Variants in TMEM108 observed in about 807,000 individuals in gnomAD.
TMEM108 encodes transmembrane protein 108, also known as cancer/testis antigen 124.
TMEM108 carries 12 observed loss-of-function variants against 35.1 expected under a neutral mutation model. That is an observed-to-expected ratio of 0.34 (90% CI 0.22 to 0.55). The LOEUF is 0.55. Among genes scored for constraint, TMEM108 ranks in the 20% least tolerant of loss-of-function variants. TMEM108 has a pLI of 0.89. For synonymous variants in TMEM108, 287 were observed against 308.6 expected, an observed-to-expected ratio of 0.93 and a Z score of 0.73; for missense variants, 680 against 753.3, an observed-to-expected ratio of 0.90 and a Z score of 1.14.
At chr3:133,060,547 A>G (rs1264451815) in intron 2 of TMEM108, among the ~76,000 whole-genome samples, 1 of 152,190 alleles carries the variant, frequency 6.6e-6, no homozygotes, top group East Asian at 1.9e-4. Context: ...CCCCAAATTC[A>G]TGTTTTAATC....
rs912010616 is a variant in TMEM108, at chr3:133,346,593, G to A, written c.41-33159G>A. 1.3e-5 allele frequency among the ~76,000 whole-genome samples: 2 copies of A among 151,848 alleles called. No homozygotes were observed. Among genetic ancestry groups the A allele is most frequent in the Admixed American group, 6.6e-5 (1 of 15,224 alleles). On this transcript the variant is annotated intron_variant, in intron 3 of 5. Transcript: ENST00000321871. The surrounding 1 kb of genome is among the most constrained non-coding windows in gnomAD (Gnocchi z 4.0). ...GAATGTATGCAATTATTTTCTTCCAGTCGATGGCTTGTCTTTTATTCTTTG... is the reference window on the plus strand; with the variant it reads ...GAATGTATGCAATTATTTTCTTCCAATCGATGGCTTGTCTTTTATTCTTTG...
At chr3:133,179,472 A>G (rs967399246) in intron 2 of TMEM108, among the ~76,000 whole-genome samples, 5 of 152,054 alleles carry the variant, frequency 3.3e-5, no homozygotes, top group Admixed American at 6.6e-5. Flanking sequence ...AATACTATGC[A>G]GCCATAAAAA....
chr3:133,389,163 C>T (rs1364772168), intron 4 of TMEM108: 3 of 985,572 alleles, frequency 3.0e-6, no homozygotes, highest in Non-Finnish European at 3.6e-6. Flanking sequence ...GGCCACCCCA[C>T]CTCTCTGACC....
At chr3:133,195,054 A>C (rs1179344533) in intron 2 of TMEM108, among the ~76,000 whole-genome samples, 1 of 152,244 alleles carries the variant, frequency 6.6e-6, no homozygotes, top group African/African-American at 2.4e-5. Flanking sequence ...TCTTATAAAC[A>C]AAAAGTTCAC....
chr3:133,096,732 A>T (rs1054384285), intron 2 of TMEM108, among the ~76,000 whole-genome samples: 1 of 152,232 alleles, frequency 6.6e-6, no homozygotes, highest in African/African-American at 2.4e-5. Context: ...GTCACTGTGC[A>T]GTTTTCTGTG....
intron 2 of TMEM108, among the ~76,000 whole-genome samples, chr3:133,210,746 C>T (rs1377072376): frequency 2.0e-5 from 3 of 152,172 alleles, no homozygotes; most frequent in Non-Finnish European, 2.9e-5. Flanking sequence ...CTGCACAAGT[C>T]CAAACAGTGA....
At chr3:133,166,773 A>G (rs1034220812) in intron 2 of TMEM108, among the ~76,000 whole-genome samples, 3 of 152,166 alleles carry the variant, frequency 2.0e-5, no homozygotes, top group Non-Finnish European at 4.4e-5. Context: ...AGAAAGATTT[A>G]TTGCAAAGAG....
chr3:133,113,481 G>A (rs1287815004), intron 2 of TMEM108, among the ~76,000 whole-genome samples: 1 of 152,102 alleles, frequency 6.6e-6, no homozygotes, highest in Non-Finnish European at 1.5e-5. Context: ...TATGAGCGAT[G>A]AGCCATATGA....
chr3:133,341,186 T>C (rs1427544489), intron 3 of TMEM108, among the ~76,000 whole-genome samples: 1 of 151,698 alleles, frequency 6.6e-6, no homozygotes, highest in Non-Finnish European at 1.5e-5. Context: ...AAAAAAACTA[T>C]TAGAACTGAT....
chr3:133,069,570 T>G (rs1043079545), intron 2 of TMEM108, among the ~76,000 whole-genome samples: 1 of 152,156 alleles, frequency 6.6e-6, no homozygotes, highest in Non-Finnish European at 1.5e-5. Flanking sequence ...TCCTTTTATT[T>G]AAAACCCAAG....
At chr3:133,334,683 GA>G (rs1265687435) in intron 3 of TMEM108, among the ~76,000 whole-genome samples, 2 of 152,174 alleles carry the variant, frequency 1.3e-5, no homozygotes. Context: ...GAAGGAAGTA[GA>G]ATGTGGAAAC....
intron 2 of TMEM108, among the ~76,000 whole-genome samples, chr3:133,158,538 T>A (rs537311083): frequency 3.3e-5 from 5 of 151,702 alleles, no homozygotes; most frequent in African/African-American, 1.2e-4. Context: ...GAAGCAAACC[T>A]TTTACTTCTT....
chr3:133,254,403 T>C (rs1946515555), intron 3 of TMEM108, among the ~76,000 whole-genome samples: 1 of 152,204 alleles, frequency 6.6e-6, no homozygotes, highest in Admixed American at 6.5e-5. Context: ...TGAATAACTC[T>C]AAGATGCCAT....
intron 2 of TMEM108, among the ~76,000 whole-genome samples, chr3:133,125,515 C>T (rs1271946879): frequency 6.6e-6 from 1 of 152,152 alleles, no homozygotes; most frequent in Non-Finnish European, 1.5e-5. Flanking sequence ...ATCCCCTTAT[C>T]TCAGCATGGA....
intron 2 of TMEM108, among the ~76,000 whole-genome samples, chr3:133,160,086 G>C (rs770159551): frequency 6.6e-6 from 1 of 152,198 alleles, no homozygotes; most frequent in African/African-American, 2.4e-5. Flanking sequence ...GGATTTTCCT[G>C]TGGTGTGCTT....
At position 133,152,797 on chromosome 3, in the gene TMEM108, G is replaced by A. The variant is rs1288146774; in HGVS notation, c.-46-76469G>A. ...AATTTTTTCACTTTAAAGTGCATTG[G>A]AACACAACAAGCATTTCTGCCAGCT... On this transcript the variant is annotated intron_variant, in intron 2 of 5. Coordinates refer to ENST00000321871, the MANE Select transcript of TMEM108 (RefSeq NM_023943.4). 6.6e-5 allele frequency among the ~76,000 whole-genome samples: 10 copies of A among 152,044 alleles called. 1 individual carries two copies. In the South Asian group the frequency reaches 1.2e-3, roughly 19 times the overall value.
intron 2 of TMEM108, among the ~76,000 whole-genome samples, chr3:133,050,898 A>G (rs980670231): frequency 1.3e-5 from 2 of 151,892 alleles, no homozygotes; most frequent in Non-Finnish European, 1.5e-5. Flanking sequence ...CAGTTTGTCC[A>G]TTCACCTACT....
At chr3:133,309,948 C>T (rs1406234500) in intron 3 of TMEM108, among the ~76,000 whole-genome samples, 1 of 152,098 alleles carries the variant, frequency 6.6e-6, no homozygotes, top group Non-Finnish European at 1.5e-5. Context: ...GATCCACCCT[C>T]CTCGGCCTCC....
chr3:133,319,137 G>A (rs1032409687), intron 3 of TMEM108, among the ~76,000 whole-genome samples: 6 of 151,952 alleles, frequency 3.9e-5, no homozygotes, highest in African/African-American at 9.7e-5. Context: ...ACATAACCCC[G>A]TTGGCCCAAG....
Sources: allele counts gnomAD v4.1 joint callset (sites outside exome capture counted in the v4.1 genomes callset), GRCh38; gene constraint gnomAD v4.1.1; non-coding constraint Gnocchi (gnomAD v3.1); transcripts MANE v1.5; gene names NCBI Gene and HGNC (gene_info 2026-07-23, HGNC 2026-07-21).